The following MRGPRG variants were observed in gnomAD, a reference collection of about 807,000 sequenced individuals.
MRGPRG encodes MAS related GPR family member G, also known as mas-related G protein-coupled receptor member G.
For missense variants in MRGPRG, 395 were observed against 394.7 expected, an observed-to-expected ratio of 1.00 and a Z score of -0.01; for synonymous variants, 216 against 206.7, an observed-to-expected ratio of 1.05 and a Z score of -0.39.
rs1216350164 is a variant in MRGPRG, at chr11:3,218,543, C to T, written c.271G>A (p.Val91Met). The T allele has an allele frequency of 2.6e-6, 4 of 1,545,322 alleles. No homozygotes were observed. The highest frequency in any genetic ancestry group is 2.4e-5 in the East Asian group (1 of 40,872). The change falls in exon 1 of 1, where the codon GTG (valine) becomes ATG (methionine). Residue 91 changes from valine to methionine, a missense_variant. Coordinates refer to ENST00000332314, the MANE Select transcript of MRGPRG (RefSeq NM_001164377.1). ...YFVLTFLWFAVGLWLLAAFSV... is the reference protein window; with the variant it reads ...YFVLTFLWFAMGLWLLAAFSV... ...AAGGCCGCCAGCAGCCAGAGCCCCA[C>T]CGCGAACCACAGGAAGGTGAGCACG...
Position 3,218,499 on chromosome 11 carries a change from G to A in MRGPRG, c.315C>T (p.Leu105=), listed in dbSNP as rs765874607. The A allele has an allele frequency of 7.8e-6, 12 of 1,544,668 alleles. 3 individuals carry two copies. In the South Asian group the frequency reaches 1.2e-4, roughly 15 times the overall value. Residue 105 remains leucine (L), a synonymous_variant, in exon 1 of 1, where the codon CTC becomes CTT. Transcript: ENST00000332314. The part of the protein sequence containing the change: ...LLAAFSVERC[L]SDLFPACYQG... ...GGTAGCAGGCGGGGAAGAGGTCGGA[G>A]AGGCAGCGCTCCACGCTGAAGGCCG...
At position 3,218,139 on chromosome 11, in the gene MRGPRG, G is replaced by T. The variant is rs554193425; in HGVS notation, c.675C>A (p.Asn225Lys). Residue 225 changes from asparagine to lysine, a missense_variant, in exon 1 of 1, where the codon AAC (asparagine) becomes AAA (lysine). Physicochemically the swap from Asn to Lys is moderately conservative, Grantham distance 94. Coordinates refer to ENST00000332314, the MANE Select transcript of MRGPRG (RefSeq NM_001164377.1). Reference protein sequence around the residue: ...VFYWSLQPLLNFLLPVFSPLA... With the variant: ...VFYWSLQPLLKFLLPVFSPLA... ...GCGGGGAAAACACGGGCAGCAGGAA[G>T]TTCAGCAGGGGCTGCAGGCTCCAGT... The T allele has an allele frequency of 1.3e-6, 2 of 1,544,840 alleles. No individual in the cohort carries two copies. The highest frequency in any genetic ancestry group is 8.7e-7 in the Non-Finnish European group (1 of 1,143,430).
Position 3,218,645 on chromosome 11 carries a change from C to A in MRGPRG, c.169G>T (p.Asp57Tyr), listed in dbSNP as rs934358148. Residue 57 changes from aspartate (D) to tyrosine (Y), a missense_variant, in exon 1 of 1, where the codon GAC becomes TAC. Coordinates refer to ENST00000332314, the MANE Select transcript of MRGPRG (RefSeq NM_001164377.1). Reference sequence around the variant, plus strand: ...ACACGGCAGGAGAGGAACAGGAAGTCGGCGGCGGCCAGGTGCAGCAGGTAG... The same window carrying A: ...ACACGGCAGGAGAGGAACAGGAAGTAGGCGGCGGCCAGGTGCAGCAGGTAG... Reference protein sequence around the residue: ...SIYLLHLAAADFLFLSCRVGF... With the variant: ...SIYLLHLAAAYFLFLSCRVGF... 1.1e-5 allele frequency: 17 copies of A among 1,545,970 alleles called. No individual in the cohort carries two copies. In the Admixed American group the frequency reaches 1.8e-4, roughly 16 times the overall value.
rs868169849 is a variant in MRGPRG at position 3,218,361 on chromosome 11, C to A, written c.453G>T (p.Ala151=). The A allele has an allele frequency of 3.6e-5, 53 of 1,469,280 alleles. No individual in the cohort carries two copies. The Middle Eastern group carries it at 9.8e-4, about 27-fold the overall frequency. 91.0% of individuals were successfully genotyped at this position (1,469,280 alleles called of 1,614,324 possible). ...ANACGLLRNS[A]CPLVCPRYHV... ...GGTAGCGCGGGCAGACCAGGGGGCA[C>A]GCGCTGTTGCGCAGCAGGCCGCAGG... Residue 151 remains alanine (A), a synonymous_variant, in exon 1 of 1, where the codon GCG becomes GCT. Transcript: ENST00000332314.
Position 3,218,431 on chromosome 11 carries a change from A to G in MRGPRG, c.383T>C (p.Leu128Pro), listed in dbSNP as rs1847647755. ...PRHASAVLCA[L>P]VWTPTLPAVP... ...GGCCGGCAGGGTCGGGGTCCACACC[A>G]GGGCGCAGAGGACGGCCGAGGCGTG... Residue 128 changes from leucine (L) to proline (P), a missense_variant, in exon 1 of 1, where the codon CTG becomes CCG. Physicochemically the swap from Leu to Pro is moderately conservative, Grantham distance 98 (BLOSUM62 -3). Transcript: ENST00000332314. The G allele has an allele frequency of 6.5e-7, 1 of 1,536,286 alleles. No homozygotes were observed.
chr11:3,218,780 C>G lies in MRGPRG; in HGVS notation c.34G>C (p.Asp12His). 1.3e-6 allele frequency: 2 copies of G among 1,544,886 alleles called. No homozygotes were observed. Among genetic ancestry groups the G allele is most frequent in the South Asian group, 1.2e-5 (1 of 83,420 alleles). Residue 12 changes from aspartate (D) to histidine (H), a missense_variant, in exon 1 of 1, where the codon GAC becomes CAC. By Grantham distance (81) the Asp-to-His change is moderately conservative. Transcript: ENST00000332314. ...FGLFGLWRTF[D>H]SVVFYLTLIV... is the part of the protein sequence containing the mutation. Reference sequence around the variant, plus strand: ...AGCGTCAGGTAGAAGACCACACTGTCGAAGGTTCTCCAGAGGCCGAACAGC... The same window carrying G: ...AGCGTCAGGTAGAAGACCACACTGTGGAAGGTTCTCCAGAGGCCGAACAGC...
chr11:3,217,985 G>T lies in MRGPRG; in HGVS notation c.829C>A (p.Leu277Met). 6.6e-7 allele frequency: 1 copy of T among 1,518,450 alleles called. No homozygotes were observed. Among genetic ancestry groups the T allele is most frequent in the Non-Finnish European group, 8.9e-7 (1 of 1,126,818 alleles). 94.1% of individuals were successfully genotyped at this position (1,518,450 alleles called of 1,614,324 possible). A position where few individuals can be genotyped will look rare whatever the true frequency, so the allele number is the denominator to read the frequency against. Reference protein sequence around the residue: ...LRRALGEGAELGARGQSLPMG... With the variant: ...LRRALGEGAEMGARGQSLPMG... Reference sequence around the variant, plus strand: ...GGCAGGGACTGTCCCCTGGCACCCAGCTCGGCGCCCTCCCCCAGGGCCCTC... The same window carrying T: ...GGCAGGGACTGTCCCCTGGCACCCATCTCGGCGCCCTCCCCCAGGGCCCTC... The change falls in exon 1 of 1, where the codon CTG (leucine) becomes ATG (methionine). Residue 277 changes from leucine (L) to methionine (M), a missense_variant. Transcript: ENST00000332314. This position sits in a 1 kb window ranked among gnomAD's most constrained non-coding sequence, Gnocchi z 6.5.
Position 3,218,147 on chromosome 11 carries a change from G to C in MRGPRG, c.667C>G (p.Leu223Val), listed in dbSNP as rs900009503. The change falls in exon 1 of 1, where the codon CTG (leucine) becomes GTG (valine). Residue 223 changes from leucine (L) to valine (V), a missense_variant. Transcript: ENST00000332314. ...PSVFYWSLQP[L>V]LNFLLPVFSP... ...AACACGGGCAGCAGGAAGTTCAGCA[G>C]GGGCTGCAGGCTCCAGTAGAAGACC... 4 of 1,544,588 alleles carry C rather than the reference G, an allele frequency of 2.6e-6. No individual in the cohort carries two copies. The Admixed American group carries it at 5.9e-5, about 23-fold the overall frequency.
chr11:3,218,744 G>C lies in MRGPRG; in HGVS notation c.70C>G (p.Leu24Val), dbSNP rs1434024723. The C allele has an allele frequency of 1.9e-6, 3 of 1,545,898 alleles. 1 individual carries two copies. The highest frequency in any genetic ancestry group is 2.6e-6 in the Non-Finnish European group (3 of 1,143,796). The change falls in exon 1 of 1, where the codon CTC becomes GTC. Residue 24 changes from leucine to valine, a missense_variant. Leu to Val is a conservative substitution (Grantham distance 32, BLOSUM62 1). Transcript: ENST00000332314. ...AGCCCGTTACCTACCGGTCCCCCGA[G>C]GCCCACGATCAGCGTCAGGTAGAAG... ...VVFYLTLIVG[L>V]GGPVGNGLVL...
Position 3,218,306 on chromosome 11 carries a change from G to A in MRGPRG, c.508C>T (p.Leu170=). 6.9e-7 allele frequency: 1 copy of A among 1,458,070 alleles called. No individual in the cohort carries two copies. Among genetic ancestry groups the A allele is most frequent in the Non-Finnish European group, 9.1e-7 (1 of 1,104,052 alleles). The allele number at this position is 1,458,070 out of a possible 1,614,324, so 90.3% of individuals were successfully genotyped here. The change falls in exon 1 of 1, where the codon CTG becomes TTG. Residue 170 remains leucine, a synonymous_variant. Transcript: ENST00000332314. Reference sequence around the variant, plus strand: ...CCAGCCGTCCAGGCGACGCGGGCCAGCACCAGGAACCAGGTGACGCTGGCC... The same window carrying A: ...CCAGCCGTCCAGGCGACGCGGGCCAACACCAGGAACCAGGTGACGCTGGCC... ...HVASVTWFLV[L]ARVAWTAGVV...
rs1160877464 is a variant in MRGPRG, at chr11:3,218,495, C to A, written c.319G>T (p.Asp107Tyr). 1 of 1,544,538 alleles carries A rather than the reference C, an allele frequency of 6.5e-7. No individual in the cohort carries two copies. Among genetic ancestry groups the A allele is most frequent in the Non-Finnish European group, 8.7e-7 (1 of 1,143,772 alleles). ...AAFSVERCLS[D>Y]LFPACYQGCR... The stretch of plus-strand genomic sequence containing the variant: ...CCCTGGTAGCAGGCGGGGAAGAGGT[C>A]GGAGAGGCAGCGCTCCACGCTGAAG... The change falls in exon 1 of 1, where the codon GAC (aspartate) becomes TAC (tyrosine). Residue 107 changes from aspartate (D) to tyrosine (Y), a missense_variant. By Grantham distance (160) the Asp-to-Tyr change is radical (BLOSUM62 -3). Coordinates refer to ENST00000332314, the MANE Select transcript of MRGPRG (RefSeq NM_001164377.1).
At position 3,218,097 on chromosome 11, in the gene MRGPRG, G is replaced by A; in HGVS notation, c.717C>T (p.Ala239=). 2 of 1,545,018 alleles carry A rather than the reference G, an allele frequency of 1.3e-6. No homozygotes were observed. The highest frequency in any genetic ancestry group is 2.4e-5 in the South Asian group (2 of 83,408). ...PVFSPLATLL[A]CVNSSSKPLI... ...GGGGCTTGGAGCTGCTGTTGACGCAGGCCAGCAGCGTGGCCAGCGGGGAAA... is the reference window on the plus strand; with the variant it reads ...GGGGCTTGGAGCTGCTGTTGACGCAAGCCAGCAGCGTGGCCAGCGGGGAAA... Residue 239 remains alanine (A), a synonymous_variant, in exon 1 of 1, where the codon GCC becomes GCT. Transcript: ENST00000332314.
chr11:3,218,007 C>G lies in MRGPRG; in HGVS notation c.807G>C (p.Arg269Ser), dbSNP rs527961677. 1.1e-4 allele frequency: 172 copies of G among 1,535,390 alleles called. 7 individuals carry two copies. The highest frequency in any genetic ancestry group is 3.8e-4 in the Admixed American group (19 of 50,362). The change falls in exon 1 of 1, where the codon AGG becomes AGC. Residue 269 changes from arginine to serine, a missense_variant. Physicochemically the swap from Arg to Ser is moderately radical, Grantham distance 110 (BLOSUM62 -1). Transcript: ENST00000332314. The part of the protein sequence containing the change: ...KREPLRSVLR[R>S]ALGEGAELGA... Reference sequence around the variant, plus strand: ...CCAGCTCGGCGCCCTCCCCCAGGGCCCTCCGCAGTACCGACCTCAGCGGCT... The same window carrying G: ...CCAGCTCGGCGCCCTCCCCCAGGGCGCTCCGCAGTACCGACCTCAGCGGCT...
chr11:3,217,992 G>GC, the MRGPRG span: 1 of 1,520,972 alleles, frequency 6.6e-7, no homozygotes, highest in Non-Finnish European at 8.9e-7. This position sits in a 1 kb window ranked among gnomAD's most constrained non-coding sequence, Gnocchi z 6.5. Context: ...CCAGCTCGGC[G>GC]CCCTCCCCCA....
rs1243212723 is a variant in MRGPRG at position 3,218,064 on chromosome 11, G to A, written c.750C>T (p.Tyr250=). 6.5e-6 allele frequency: 10 copies of A among 1,544,670 alleles called. No homozygotes were observed. In the East Asian group the frequency reaches 2.2e-4, roughly 34 times the overall value. The change falls in exon 1 of 1, where the codon TAC becomes TAT. Residue 250 remains tyrosine (Y), a synonymous_variant. Coordinates refer to ENST00000332314, the MANE Select transcript of MRGPRG (RefSeq NM_001164377.1). ...CVNSSSKPLI[Y]SGLGRQPGKR... ...TCCCGGGCTGTCGGCCCAACCCCGA[G>A]TAGATGAGGGGCTTGGAGCTGCTGT... is the stretch of plus-strand genomic sequence containing the variant.
At position 3,218,318 on chromosome 11, in the gene MRGPRG, A is replaced by G; in HGVS notation, c.496T>C (p.Trp166Arg). ...CPRYHVASVT[W>R]FLVLARVAWT... is the part of the protein sequence containing the mutation. ...GCGACGCGGGCCAGCACCAGGAACC[A>G]GGTGACGCTGGCCACGTGGTAGCGC... The change falls in exon 1 of 1, where the codon TGG (tryptophan) becomes CGG (arginine). Residue 166 changes from tryptophan to arginine, a missense_variant. Coordinates refer to ENST00000332314, the MANE Select transcript of MRGPRG (RefSeq NM_001164377.1). The G allele has an allele frequency of 6.9e-7, 1 of 1,454,946 alleles. No individual in the cohort carries two copies. The highest frequency in any genetic ancestry group is 9.1e-7 in the Non-Finnish European group (1 of 1,103,026). 90.1% of individuals were successfully genotyped at this position (1,454,946 alleles called of 1,614,324 possible).
At chr11:3,218,039 TC>T in the MRGPRG span, 13 of 1,543,764 alleles carry the variant, frequency 8.4e-6, 1 homozygote, top group Non-Finnish European at 1.1e-5. Flanking sequence ...GGCTCCCGCT[TC>T]CCGGGCTGTC....
rs781548506 is a variant in MRGPRG, at chr11:3,218,115, C to T, written c.699G>A (p.Pro233=). The T allele has an allele frequency of 1.3e-6, 2 of 1,544,636 alleles. No homozygotes were observed. The highest frequency in any genetic ancestry group is 4.9e-5 in the East Asian group (2 of 40,852). The change falls in exon 1 of 1, where the codon CCG becomes CCA. Residue 233 remains proline (P), a synonymous_variant. Coordinates refer to ENST00000332314, the MANE Select transcript of MRGPRG (RefSeq NM_001164377.1). ...TGACGCAGGCCAGCAGCGTGGCCAGCGGGGAAAACACGGGCAGCAGGAAGT... is the reference window on the plus strand; with the variant it reads ...TGACGCAGGCCAGCAGCGTGGCCAGTGGGGAAAACACGGGCAGCAGGAAGT... ...LLNFLLPVFS[P]LATLLACVNS...
rs1453481203 is a variant in MRGPRG at position 3,218,520 on chromosome 11, G to A, written c.294C>T (p.Ala98=). 1 of 1,545,286 alleles carries A rather than the reference G, an allele frequency of 6.5e-7. No homozygotes were observed. Among genetic ancestry groups the A allele is most frequent in the South Asian group, 1.2e-5 (1 of 83,498 alleles). ...WFAVGLWLLA[A]FSVERCLSDL... The stretch of plus-strand genomic sequence containing the variant: ...CGGAGAGGCAGCGCTCCACGCTGAA[G>A]GCCGCCAGCAGCCAGAGCCCCACCG... The change falls in exon 1 of 1, where the codon GCC becomes GCT. Residue 98 remains alanine, a synonymous_variant. Coordinates refer to ENST00000332314, the MANE Select transcript of MRGPRG (RefSeq NM_001164377.1).
Sources: gnomAD v4.1 joint callset for allele counts on GRCh38, gnomAD v4.1.1 for gene constraint, Gnocchi (gnomAD v3.1) non-coding constraint, MANE v1.5 for transcripts, NCBI Gene and HGNC (gene_info 2026-07-23, HGNC 2026-07-21) for gene names.